The following RAB40C variants were observed in gnomAD, a reference collection of about 807,000 sequenced individuals.
RAB40C encodes the protein ras-related protein Rab-40C.
In RAB40C, 8 loss-of-function variants were observed where a neutral mutation model predicts 28.1. The ratio of observed to expected loss-of-function variants is 0.28; its 90% CI spans 0.17 to 0.51. The LOEUF (loss-of-function observed/expected upper bound fraction) is 0.51, where lower values mean the gene tolerates loss of function less well. Ranked by LOEUF, RAB40C falls within the 20% of genes least tolerant of loss-of-function variation. RAB40C has a pLI of 0.97. For synonymous variants in RAB40C, 201 were observed against 171.7 expected (o/e 1.17, Z -1.34); for missense variants, 288 against 405.9 (o/e 0.71, Z 2.50).
intron 3 of RAB40C, among the ~76,000 whole-genome samples, chr16:619,756 C>T (rs1005098169): frequency 6.6e-6 from 1 of 152,202 alleles, no homozygotes; most frequent in Non-Finnish European, 1.5e-5. Context: ...TCAGGTGGGT[C>T]CGCTCTGGGC....
chr16:624,075 C>T (rs999871879), intron 3 of RAB40C: 9 of 985,344 alleles, frequency 9.1e-6, no homozygotes, highest in South Asian at 4.7e-5. Context: ...ATTTCACTGC[C>T]GCTTACTCAG....
rs533251687 is a variant in RAB40C, at chr16:590,258, C to A, written c.-34C>A. The stretch of plus-strand genomic sequence containing the variant: ...GCGGCCTCACCCGGCGGTGCTTCGG[C>A]AGGCGGCCGGCGCGGGGCGCAGGCG... On this transcript the variant is annotated 5_prime_UTR_variant, in exon 1 of 6. Coordinates refer to ENST00000248139, the MANE Select transcript of RAB40C (RefSeq NM_021168.5). 2 of 1,426,154 alleles carry A rather than the reference C, an allele frequency of 1.4e-6. No individual in the cohort carries two copies. The highest frequency in any genetic ancestry group is 1.4e-5 in the South Asian group (1 of 69,224). 88.3% of individuals were successfully genotyped at this position (1,426,154 alleles called of 1,614,324 possible).
chr16:602,514 C>T (rs764987995), intron 1 of RAB40C, among the ~76,000 whole-genome samples: 1 of 152,162 alleles, frequency 6.6e-6, no homozygotes, highest in Non-Finnish European at 1.5e-5. Flanking sequence ...CTCACTGCAA[C>T]GTCTGCCTCC....
chr16:625,592 C>G, intron 4 of RAB40C, 83 bp downstream of exon 4: 1 of 1,381,274 alleles, frequency 7.2e-7, no homozygotes, highest in Non-Finnish European at 1.0e-6. Context: ...TGGATTCCCG[C>G]CTGCCGCCCC....
chr16:619,860 G>A (rs1304811538), intron 3 of RAB40C, among the ~76,000 whole-genome samples: 2 of 152,260 alleles, frequency 1.3e-5, no homozygotes, highest in African/African-American at 2.4e-5. Flanking sequence ...TGTAGTCGGT[G>A]TTGGATCTGA....
rs528606705 is a variant in RAB40C, at chr16:595,424, G to A, written c.142+4991G>A. Among the ~76,000 whole-genome samples, 143 of 152,188 alleles carry A rather than the reference G, an allele frequency of 9.4e-4. 1 individual carries two copies. The highest frequency in any genetic ancestry group is 3.5e-3 in the Admixed American group (54 of 15,276). ...ATGGCTCTTCCCCTGTCCTCCTCAC[G>A]TCCACCTGGGCCTGGGGACGGCTGC... On this transcript the variant is annotated intron_variant, in intron 1 of 5. Coordinates refer to ENST00000248139, the MANE Select transcript of RAB40C (RefSeq NM_021168.5).
rs1036439719 is a variant in RAB40C at position 624,961 on chromosome 16, C to T, written c.265-471C>T. The T allele has an allele frequency of 4.7e-6, 6 of 1,289,070 alleles. No individual in the cohort carries two copies. The African/African-American group carries it at 6.1e-5, about 13-fold the overall frequency. 79.9% of individuals were successfully genotyped at this position (1,289,070 alleles called of 1,614,324 possible). A position where few individuals can be genotyped will look rare whatever the true frequency, so the allele number is the denominator to read the frequency against. ...GCTCTGCCTGGCTGGGGGAGCTTCA[C>T]AGAAACTGTCCTGGAGGGACTGGCA... On this transcript the variant is annotated intron_variant, in intron 3 of 5. Coordinates refer to ENST00000248139, the MANE Select transcript of RAB40C (RefSeq NM_021168.5).
At chr16:608,365 G>A (rs1237275323) in intron 1 of RAB40C, among the ~76,000 whole-genome samples, 1 of 152,174 alleles carries the variant, frequency 6.6e-6, no homozygotes, top group Non-Finnish European at 1.5e-5. Context: ...GTGAGATTTG[G>A]GCGGGGACAC....
intron 3 of RAB40C, among the ~76,000 whole-genome samples, chr16:621,295 C>T (rs905543967): frequency 1.3e-5 from 2 of 152,220 alleles, no homozygotes; most frequent in African/African-American, 2.4e-5. Flanking sequence ...GGTGCGGGTG[C>T]ATCCAGCCGA....
Position 625,423 on chromosome 16 carries a change from C to T in RAB40C, c.265-9C>T. On this transcript the variant is annotated splice_polypyrimidine_tract_variant and intron_variant, in intron 3 of 5. Transcript: ENST00000248139. ...GTGACCCCTGATGACCCCCAAGTCT[C>T]TGTTGCAGGGGATCCTCTTGGTGTA... is the stretch of plus-strand genomic sequence containing the variant. The T allele has an allele frequency of 3.1e-6, 5 of 1,613,078 alleles. No homozygotes were observed. The highest frequency in any genetic ancestry group is 2.2e-5 in the East Asian group (1 of 44,864).
chr16:591,900 G>A (rs969984869), intron 1 of RAB40C, among the ~76,000 whole-genome samples: 4 of 152,192 alleles, frequency 2.6e-5, no homozygotes, highest in South Asian at 2.1e-4. Context: ...TGGCCTGAAC[G>A]TTTGTTTTTA....
intron 1 of RAB40C, among the ~76,000 whole-genome samples, chr16:592,096 T>C (rs532035861): frequency 2.6e-5 from 4 of 152,318 alleles, no homozygotes; most frequent in Admixed American, 1.3e-4. Flanking sequence ...GCAGTCAGCA[T>C]CCAGCCTCCC....
chr16:596,520 C>A (rs527973186), intron 1 of RAB40C: 22 of 340,254 alleles, frequency 6.5e-5, no homozygotes, highest in African/African-American at 4.5e-4. Context: ...ATCCGCCGGG[C>A]GTTTGGAGTA....
At chr16:602,252 T>G (rs2036267880) in intron 1 of RAB40C, among the ~76,000 whole-genome samples, 1 of 151,734 alleles carries the variant, frequency 6.6e-6, no homozygotes, top group South Asian at 2.1e-4. Context: ...ATCTCTGTTT[T>G]TTTTTTTTTG....
intron 4 of RAB40C, 177 bp downstream of exon 4, chr16:625,686 G>GGATCTTGGT: frequency 1.2e-6 from 1 of 835,420 alleles, no homozygotes; most frequent in South Asian, 1.7e-5. Context: ...ACAGTCGGGC[G>GGATCTTGGT]TGGAGCCCAG....
At chr16:595,371 G>C (rs560273791) in intron 1 of RAB40C, among the ~76,000 whole-genome samples, 1 of 152,198 alleles carries the variant, frequency 6.6e-6, no homozygotes, top group Non-Finnish European at 1.5e-5. Context: ...GAGCCGCCCT[G>C]CAGGCCTCCT....
chr16:602,107 C>T (rs918017902), intron 1 of RAB40C, among the ~76,000 whole-genome samples: 1 of 152,136 alleles, frequency 6.6e-6, no homozygotes, highest in East Asian at 1.9e-4. Flanking sequence ...GCCTGGGCAA[C>T]AGCTCTCAAA....
intron 1 of RAB40C, among the ~76,000 whole-genome samples, chr16:604,782 G>C (rs1309062353): frequency 6.6e-6 from 1 of 152,210 alleles, no homozygotes; most frequent in Non-Finnish European, 1.5e-5. Flanking sequence ...GCCTGGGGCT[G>C]GGTGTGGTGG....
rs2035957341 is a variant in RAB40C, at chr16:590,128, G to A, written c.-164G>A. 4.0e-6 allele frequency: 1 copy of A among 246,968 alleles called. No homozygotes were observed. The highest frequency in any genetic ancestry group is 1.3e-4 in the South Asian group (1 of 7,566). 15.3% of individuals were successfully genotyped at this position (246,968 alleles called of 1,614,324 possible). A position where few individuals can be genotyped will look rare whatever the true frequency, so the allele number is the denominator to read the frequency against. Reference sequence around the variant, plus strand: ...GCGGCGGCGAGGCTGAGGTGCGCCCGGGCGCGGGCGGGGCGGGGCCGGCGC... The same window carrying A: ...GCGGCGGCGAGGCTGAGGTGCGCCCAGGCGCGGGCGGGGCGGGGCCGGCGC... On this transcript the variant is annotated 5_prime_UTR_variant, in exon 1 of 6. Transcript: ENST00000248139.
Sources: gnomAD v4.1 joint callset for allele counts (sites outside exome capture counted in the v4.1 genomes callset) on GRCh38, gnomAD v4.1.1 for gene constraint, MANE v1.5 for transcripts, NCBI Gene and HGNC (gene_info 2026-07-23, HGNC 2026-07-21) for gene names.